FMNL2: variants seen among roughly 807,000 people sequenced by gnomAD.
FMNL2 encodes formin like 2.
In FMNL2, 51 loss-of-function variants were observed where a neutral mutation model predicts 130.2. The ratio of observed to expected loss-of-function variants is 0.39; its 90% CI spans 0.31 to 0.49. FMNL2 has a LOEUF of 0.49. Among genes scored for constraint, FMNL2 ranks in the 20% least tolerant of loss-of-function variants. The probability of loss-of-function intolerance (pLI) is 0.85; values close to 1 mark genes in which losing one functional copy is unlikely to be tolerated. For missense variants in FMNL2, 977 were observed against 1,316.2 expected (o/e 0.74, Z 3.99); for synonymous variants, 465 against 467.1 (o/e 1.00, Z 0.06).
intron 2 of FMNL2, among the ~76,000 whole-genome samples, chr2:152,533,765 G>C (rs1693837681): frequency 6.6e-6 from 1 of 151,912 alleles, no homozygotes; most frequent in South Asian, 2.1e-4. Context: ...ATTGATTTAG[G>C]TGTTTTTAAT....
intron 1 of FMNL2, among the ~76,000 whole-genome samples, chr2:152,360,441 C>T (rs7606289): frequency 0.088 from 13,395 of 152,060 alleles, 666 homozygotes; most frequent in African/African-American, 0.14. Flanking sequence ...TGTGGTCTTC[C>T]CACCTCCGCC....
Position 152,405,034 on chromosome 2 carries a change from C to T in FMNL2, c.117+69314C>T, listed in dbSNP as rs1391703431. Among the ~76,000 whole-genome samples, 10 of 152,096 alleles carry T rather than the reference C, an allele frequency of 6.6e-5. 1 individual carries two copies. Among genetic ancestry groups the T allele is most frequent in the Admixed American group, 6.6e-4 (10 of 15,266 alleles). ...CTCCGGAAAGAATGGTTGGTAAAGG[C>T]ACATCCGTATTCTGACATGTTGAGA... On this transcript the variant is annotated intron_variant, in intron 1 of 25. Coordinates refer to ENST00000288670, the MANE Select transcript of FMNL2 (RefSeq NM_052905.4).
chr2:152,525,599 C>G (rs1230001996), intron 2 of FMNL2, among the ~76,000 whole-genome samples: 1 of 152,152 alleles, frequency 6.6e-6, no homozygotes, highest in Non-Finnish European at 1.5e-5. Flanking sequence ...GAAAATCTCC[C>G]CTTTCTTTAC....
intron 21 of FMNL2, among the ~76,000 whole-genome samples, chr2:152,635,497 G>A (rs1446118863): frequency 5.3e-5 from 8 of 152,060 alleles, no homozygotes; most frequent in South Asian, 2.1e-4. Context: ...AAGTTAATAC[G>A]TCATTAGCAA....
Position 152,512,024 on chromosome 2 carries a change from G to C in FMNL2, c.118-9919G>C, listed in dbSNP as rs532535962. On this transcript the variant is annotated intron_variant, in intron 1 of 25. Coordinates refer to ENST00000288670, the MANE Select transcript of FMNL2 (RefSeq NM_052905.4). ...CTTTCTCTGGATTTCGATGCATTTT[G>C]GTCTGTGCCAGCAAGCCTAGTACCT... Among the ~76,000 whole-genome samples the C allele has an allele frequency of 8.5e-5, 13 of 152,216 alleles. No homozygotes were observed. In the South Asian group the frequency reaches 2.7e-3, roughly 32 times the overall value.
intron 1 of FMNL2, among the ~76,000 whole-genome samples, chr2:152,463,396 A>G (rs1452339381): frequency 3.3e-5 from 5 of 152,190 alleles, no homozygotes; most frequent in Non-Finnish European, 7.3e-5. Flanking sequence ...AAGGTCACAC[A>G]TCTTATTAGA....
intron 6 of FMNL2, among the ~76,000 whole-genome samples, chr2:152,561,798 G>A (rs544137986): frequency 1.3e-5 from 2 of 152,106 alleles, no homozygotes; most frequent in East Asian, 1.9e-4. Flanking sequence ...GGCTGGTCTC[G>A]AACTCCTGAC....
At chr2:152,631,168 C>T (rs1001991400) in intron 20 of FMNL2, among the ~76,000 whole-genome samples, 2 of 151,710 alleles carry the variant, frequency 1.3e-5, no homozygotes, top group Non-Finnish European at 2.9e-5. Flanking sequence ...GGAGGATCAC[C>T]TGAGGTCAGG....
rs188201471 is a variant in FMNL2, at chr2:152,348,638, C to A, written c.117+12918C>A. 5.3e-5 allele frequency among the ~76,000 whole-genome samples: 8 copies of A among 152,266 alleles called. No individual in the cohort carries two copies. In the East Asian group the frequency reaches 9.6e-4, roughly 18 times the overall value. ...TCCAAGAATACGAAACATTCAGAGA[C>A]AACAAGTTGGCATCATGCTTCCCTG... is the stretch of plus-strand genomic sequence containing the variant. On this transcript the variant is annotated intron_variant, in intron 1 of 25. Transcript: ENST00000288670.
intron 2 of FMNL2, among the ~76,000 whole-genome samples, chr2:152,525,571 A>G (rs970714741): frequency 3.9e-5 from 6 of 152,232 alleles, no homozygotes; most frequent in African/African-American, 1.4e-4. Context: ...CAAGGGCCCA[A>G]CGGAAGGGTG....
Position 152,557,515 on chromosome 2 carries a change from T to A in FMNL2, c.360-1225T>A, listed in dbSNP as rs149242873. Reference sequence around the variant, plus strand: ...GCAGACCTGGGCTGGGTTTGCATCATGGAGATGACAGGACTAGAAGAAAGA... The same window carrying A: ...GCAGACCTGGGCTGGGTTTGCATCAAGGAGATGACAGGACTAGAAGAAAGA... On this transcript the variant is annotated intron_variant, in intron 4 of 25. Coordinates refer to ENST00000288670, the MANE Select transcript of FMNL2 (RefSeq NM_052905.4). Among the ~76,000 whole-genome samples, 382 of 152,302 alleles carry A rather than the reference T, an allele frequency of 2.5e-3. 2 individuals are homozygous for A. The highest frequency in any genetic ancestry group is 8.8e-3 in the African/African-American group (364 of 41,564).
intron 9 of FMNL2, among the ~76,000 whole-genome samples, chr2:152,589,940 CATATATAT>C (rs771625998): frequency 1.7e-3 from 116 of 67,018 alleles, no homozygotes; most frequent in African/African-American, 5.0e-3. Context: ...TGGCTTTATA[CATATATAT>C]ATATATATAT....
At chr2:152,385,061 G>A (rs1268731531) in intron 1 of FMNL2, among the ~76,000 whole-genome samples, 1 of 152,224 alleles carries the variant, frequency 6.6e-6, no homozygotes, top group Non-Finnish European at 1.5e-5. Context: ...CTTTAGTAAT[G>A]AGAATTTTAA....
intron 1 of FMNL2, among the ~76,000 whole-genome samples, chr2:152,483,980 G>C (rs1690675571): frequency 6.6e-6 from 1 of 152,242 alleles, no homozygotes. Flanking sequence ...ATAGGGTGCA[G>C]ATGTTAGTCA....
At chr2:152,523,762 T>A (rs151221650) in intron 2 of FMNL2, among the ~76,000 whole-genome samples, 2 of 152,366 alleles carry the variant, frequency 1.3e-5, no homozygotes, top group African/African-American at 2.4e-5. Flanking sequence ...TACTTCTGTA[T>A]GATTGCATTA....
intron 1 of FMNL2, among the ~76,000 whole-genome samples, chr2:152,493,810 T>C (rs527739650): frequency 1.3e-5 from 2 of 152,316 alleles, no homozygotes; most frequent in Admixed American, 6.5e-5. Flanking sequence ...AAACCTTTTC[T>C]TTAGAAATTA....
chr2:152,388,046 T>G (rs1397757810), intron 1 of FMNL2, among the ~76,000 whole-genome samples: 1 of 152,216 alleles, frequency 6.6e-6, no homozygotes, highest in Non-Finnish European at 1.5e-5. Context: ...ATTAGGAAGA[T>G]TCTTCTTTAT....
chr2:152,402,337 C>T (rs1685752329), intron 1 of FMNL2, among the ~76,000 whole-genome samples: 1 of 152,142 alleles, frequency 6.6e-6, no homozygotes, highest in Admixed American at 6.5e-5. Context: ...AGTATCTTTC[C>T]TTAGCAGGCC....
intron 1 of FMNL2, among the ~76,000 whole-genome samples, chr2:152,422,794 C>T (rs997723101): frequency 5.3e-5 from 8 of 152,176 alleles, no homozygotes; most frequent in African/African-American, 1.9e-4. Flanking sequence ...TCCTAAAGTA[C>T]TGGGATTACA....
Sources: allele counts gnomAD v4.1 joint callset (sites outside exome capture counted in the v4.1 genomes callset), GRCh38; gene constraint gnomAD v4.1.1; transcripts MANE v1.5; gene names NCBI Gene and HGNC (gene_info 2026-07-23, HGNC 2026-07-21).